P4HA1: variants seen among roughly 807,000 people sequenced by gnomAD.
P4HA1 encodes the protein prolyl 4-hydroxylase subunit alpha 1.
Under a neutral mutation model 72.8 loss-of-function variants are expected in P4HA1, and 24 were observed. The observed-to-expected ratio is 0.33, with a 90% CI of 0.24 to 0.46. P4HA1 has a LOEUF of 0.46. P4HA1 is among the 20% of genes least tolerant of loss of function. The pLI is 1.00. For synonymous variants in P4HA1, 201 were observed against 218.8 expected (o/e 0.92, Z 0.72); for missense variants, 446 against 640.6 (o/e 0.70, Z 3.28).
At chr10:73,069,627 A>G (rs1841503817) in intron 4 of P4HA1, among the ~76,000 whole-genome samples, 1 of 152,198 alleles carries the variant, frequency 6.6e-6, no homozygotes, top group Non-Finnish European at 1.5e-5. Flanking sequence ...GGATTTATAT[A>G]AAGTATGCAA....
At chr10:73,072,977 C>G (rs1052938212) in intron 3 of P4HA1, among the ~76,000 whole-genome samples, 1 of 151,982 alleles carries the variant, frequency 6.6e-6, no homozygotes, top group Non-Finnish European at 1.5e-5. Context: ...CGAGACCAGC[C>G]TGGCCAACAT....
At chr10:73,082,157 T>C (rs1194182053) in intron 1 of P4HA1, among the ~76,000 whole-genome samples, 1 of 152,236 alleles carries the variant, frequency 6.6e-6, no homozygotes, top group Non-Finnish European at 1.5e-5. Context: ...TGTAGGCTAA[T>C]TTAAGTGTTC....
rs776095140 is a variant in P4HA1 at position 73,074,920 on chromosome 10, AAAAG to A, written c.-32-9_-32-6del. The A allele has an allele frequency of 2.0e-5, 18 of 902,304 alleles. No homozygotes were observed. Among genetic ancestry groups the A allele is most frequent in the Middle Eastern group, 2.3e-4 (1 of 4,402 alleles). The allele number at this position is 902,304 out of a possible 1,614,324, so 55.9% of individuals were successfully genotyped here. A position where few individuals can be genotyped will look rare whatever the true frequency, so the allele number is the denominator to read the frequency against. ...TAATTTTACAGGATCACACACCTAC[AAAAG>A]AAAGAGAGAAATGCAGCCATTACTT... On this transcript the variant is annotated splice_region_variant and splice_polypyrimidine_tract_variant and intron_variant, in intron 1 of 14. Coordinates refer to ENST00000394890, the MANE Select transcript of P4HA1 (RefSeq NM_001017962.3).
At chr10:73,093,907 T>TATATACACACAC (rs1256283876) in intron 1 of P4HA1, among the ~76,000 whole-genome samples, 1 of 55,616 alleles carries the variant, frequency 1.8e-5, no homozygotes, top group African/African-American at 9.4e-5. Context: ...TATATATATA[T>TATATACACACAC]ACACACACAC....
intron 1 of P4HA1, among the ~76,000 whole-genome samples, chr10:73,075,742 A>ATGT (rs1554842582): frequency 6.1e-5 from 9 of 147,858 alleles, no homozygotes; most frequent in African/African-American, 2.3e-4. Flanking sequence ...ATATATATAT[A>ATGT]GTGTGTGTGT....
At chr10:73,046,550 G>C (rs1013147706) in intron 8 of P4HA1, among the ~76,000 whole-genome samples, 1 of 152,032 alleles carries the variant, frequency 6.6e-6, no homozygotes, top group African/African-American at 2.4e-5. Flanking sequence ...ATACTTCCAC[G>C]GTATTCTTTC....
At chr10:73,050,648 C>T (rs976243569) in intron 7 of P4HA1, among the ~76,000 whole-genome samples, 7 of 150,226 alleles carry the variant, frequency 4.7e-5, no homozygotes, top group African/African-American at 1.7e-4. Context: ...TGCAGTGAGC[C>T]GAGATCATGC....
Position 73,037,554 on chromosome 10 carries a change from TATATA to T in P4HA1, c.1149-7189_1149-7185del, listed in dbSNP as rs1564624886. Among the ~76,000 whole-genome samples, 40 of 33,152 alleles carry T rather than the reference TATATA, an allele frequency of 1.2e-3. 2 individuals are homozygous for T. Among genetic ancestry groups the T allele is most frequent in the African/African-American group, 4.5e-3 (38 of 8,532 alleles). 21.7% of individuals were successfully genotyped at this position (33,152 alleles called of 152,430 possible). A position where few individuals can be genotyped will look rare whatever the true frequency, so the allele number is the denominator to read the frequency against. On this transcript the variant is annotated intron_variant, in intron 9 of 14. Coordinates refer to ENST00000394890, the MANE Select transcript of P4HA1 (RefSeq NM_001017962.3). ...ATATATATATATATATATATATATATATATATATATATATATATTTTTTTTTTTTT... is the reference window on the plus strand; with the variant it reads ...ATATATATATATATATATATATATATTATATATATATATTTTTTTTTTTTT...
chr10:73,065,218 C>G (rs934853029), intron 5 of P4HA1: 1 of 149,858 alleles, frequency 6.7e-6, no homozygotes, highest in African/African-American at 2.5e-5. Flanking sequence ...CCCCCACCCC[C>G]TAAAAAAAAT....
At chr10:73,083,512 G>T (rs1448037166) in intron 1 of P4HA1, among the ~76,000 whole-genome samples, 1 of 152,166 alleles carries the variant, frequency 6.6e-6, no homozygotes, top group East Asian at 1.9e-4. Context: ...TCTTTTGGAA[G>T]TTCTTCCAAA....
chr10:73,074,277 C>T lies in P4HA1; in HGVS notation c.77-450G>A, dbSNP rs772658796. ...ATAATCTGTTATTTATAACAGGATG[C>T]GAGAACCCATCATTTTATATACTGG... On this transcript the variant is annotated intron_variant, in intron 2 of 14. Transcript: ENST00000394890. Among the ~76,000 whole-genome samples, 15 of 151,876 alleles carry T rather than the reference C, an allele frequency of 9.9e-5. 1 individual carries two copies. Among genetic ancestry groups the T allele is most frequent in the Non-Finnish European group, 1.9e-4 (13 of 67,982 alleles).
At chr10:73,049,100 G>C (rs1840947110) in intron 7 of P4HA1, among the ~76,000 whole-genome samples, 1 of 150,776 alleles carries the variant, frequency 6.6e-6, no homozygotes, top group Non-Finnish European at 1.5e-5. Context: ...CTGAGCAACA[G>C]AGCGAGACTC....
At chr10:73,093,475 A>G (rs1589636356) in intron 1 of P4HA1, among the ~76,000 whole-genome samples, 1 of 152,092 alleles carries the variant, frequency 6.6e-6, no homozygotes, top group Admixed American at 6.5e-5. Flanking sequence ...TACTTATTCA[A>G]CTAGAGAAAC....
intron 7 of P4HA1, 97 bp from the exon 8 acceptor site, chr10:73,047,198 A>G: frequency 1.1e-6 from 1 of 878,802 alleles, no homozygotes; most frequent in South Asian, 1.6e-5. Flanking sequence ...ATGCTTGCAT[A>G]TACAGAGTAT....
intron 9 of P4HA1, among the ~76,000 whole-genome samples, chr10:73,035,868 GT>G (rs1177902738): frequency 1.3e-5 from 2 of 152,072 alleles, no homozygotes; most frequent in Non-Finnish European, 2.9e-5. Context: ...AATTTTTTAA[GT>G]TTTTATTTGC....
At chr10:73,069,297 A>T (rs1841495428) in intron 4 of P4HA1, among the ~76,000 whole-genome samples, 2 of 152,204 alleles carry the variant, frequency 1.3e-5, no homozygotes. Flanking sequence ...AAGAAAACAA[A>T]GTGCATCCAC....
chr10:73,040,550 A>T (rs990924930), intron 9 of P4HA1, among the ~76,000 whole-genome samples: 7 of 146,024 alleles, frequency 4.8e-5, no homozygotes, highest in Non-Finnish European at 8.9e-5. Context: ...ATCTCGGCTC[A>T]CTGCAATCTC....
chr10:73,014,336 T>C, intron 11 of P4HA1, 47 bp from the exon 12 acceptor site: 2 of 1,343,536 alleles, frequency 1.5e-6, no homozygotes, highest in Non-Finnish European at 2.1e-6. Flanking sequence ...AATTCAGTAA[T>C]ACAAATACTC....
At chr10:73,066,051 A>G (rs1459354681) in intron 5 of P4HA1, among the ~76,000 whole-genome samples, 2 of 152,238 alleles carry the variant, frequency 1.3e-5, no homozygotes, top group African/African-American at 4.8e-5. Context: ...CAGGATACGC[A>G]CCAAGTTCAG....
Sources: allele counts gnomAD v4.1 joint callset (sites outside exome capture counted in the v4.1 genomes callset), GRCh38; gene constraint gnomAD v4.1.1; transcripts MANE v1.5; gene names NCBI Gene and HGNC (gene_info 2026-07-23, HGNC 2026-07-21).